HIBCH: variants seen among roughly 807,000 people sequenced by gnomAD.
HIBCH encodes 3-hydroxyisobutyryl-CoA hydrolase.
A neutral mutation model predicts 58.2 loss-of-function variants in HIBCH; 50 were observed. The observed-to-expected ratio is 0.86, with a 90% CI of 0.68 to 1.09. The LOEUF is 1.09. Among genes scored for constraint, HIBCH ranks in the 50% least tolerant of loss-of-function variants. The probability of loss-of-function intolerance (pLI) is 0.00; values close to 1 mark genes in which losing one functional copy is unlikely to be tolerated. For missense variants in HIBCH, 450 were observed against 449.7 expected (o/e 1.00, Z -0.01); for synonymous variants, 151 against 146.9 (o/e 1.03, Z -0.20).
chr2:190,244,244 T>C (rs557972175), intron 11 of HIBCH, among the ~76,000 whole-genome samples: 27 of 152,268 alleles, frequency 1.8e-4, no homozygotes, highest in African/African-American at 6.3e-4. Flanking sequence ...CTTTCCTTTG[T>C]CTAGAAGTCT....
chr2:190,295,288 G>C (rs1336123728), intron 3 of HIBCH, among the ~76,000 whole-genome samples: 1 of 152,152 alleles, frequency 6.6e-6, no homozygotes, highest in Non-Finnish European at 1.5e-5. Context: ...AAATGCTTGG[G>C]ACCAAAAGTG....
chr2:190,200,239 T>A, downstream of HIBCH: 3 of 1,002,156 alleles, frequency 3.0e-6, no homozygotes, highest in Non-Finnish European at 4.6e-6. Context: ...TACAAATAAC[T>A]ATCTGGATTT....
chr2:190,199,556 TA>T (rs1690145307), downstream of HIBCH: 2 of 297,612 alleles, frequency 6.7e-6, no homozygotes, highest in Non-Finnish European at 1.2e-5. Flanking sequence ...CTTTTTCTTC[TA>T]CTGATAAGAT....
intron 9 of HIBCH, among the ~76,000 whole-genome samples, chr2:190,246,910 G>C (rs1242641392): frequency 1.3e-5 from 2 of 152,050 alleles, no homozygotes; most frequent in African/African-American, 4.8e-5. Context: ...GATTGCTTTG[G>C]ATATACTTTT....
intron 6 of HIBCH, among the ~76,000 whole-genome samples, chr2:190,273,473 T>C (rs1227233070): frequency 6.6e-6 from 1 of 152,150 alleles, no homozygotes; most frequent in African/African-American, 2.4e-5. Flanking sequence ...TCTAAAAGAA[T>C]CTCATCTGGG....
rs6712711 is a variant in HIBCH, at chr2:190,197,102, A to C, written c.*18-7105T>G. ...GGGGTCTCTTTTATGAGAGCACTAAAACTCTAATATCATCACCCAAAGGCC... is the reference window on the plus strand; with the variant it reads ...GGGGTCTCTTTTATGAGAGCACTAACACTCTAATATCATCACCCAAAGGCC... On this transcript the variant is annotated intron_variant, in intron 1 of 1. Coordinates refer to the HIBCH transcript ENST00000399855. This position sits in a 1 kb window ranked among gnomAD's most constrained non-coding sequence, Gnocchi z 4.0. 1.3e-5 allele frequency among the ~76,000 whole-genome samples: 2 copies of C among 152,138 alleles called. No individual in the cohort carries two copies. Among genetic ancestry groups the C allele is most frequent in the Non-Finnish European group, 2.9e-5 (2 of 68,040 alleles).
intron 12 of HIBCH, among the ~76,000 whole-genome samples, chr2:190,212,481 A>G (rs1482195011): frequency 6.6e-6 from 1 of 152,222 alleles, no homozygotes; most frequent in Non-Finnish European, 1.5e-5. Context: ...ATTCTATGTG[A>G]TTATTGTCCA....
At chr2:190,302,349 T>C (rs1688284385) in intron 2 of HIBCH, among the ~76,000 whole-genome samples, 2 of 152,216 alleles carry the variant, frequency 1.3e-5, no homozygotes, top group South Asian at 2.1e-4. Flanking sequence ...CTAACATGTA[T>C]GCACATGCAT....
At chr2:190,240,913 A>C (rs1168765646) in intron 11 of HIBCH, among the ~76,000 whole-genome samples, 1 of 152,166 alleles carries the variant, frequency 6.6e-6, no homozygotes, top group Non-Finnish European at 1.5e-5. Flanking sequence ...TTTATTTTAG[A>C]ATAAGTGCTA....
At chr2:190,286,520 A>G (rs72915473) in intron 6 of HIBCH, among the ~76,000 whole-genome samples, 13,128 of 152,156 alleles carry the variant, frequency 0.086, 789 homozygotes, top group Middle Eastern at 0.13. Context: ...TCTCTCCTCC[A>G]CTACCTTTCT....
At chr2:190,245,055 C>A (rs187705610) in intron 10 of HIBCH, 87 bp from the exon 11 acceptor site, 1 of 859,052 alleles carries the variant, frequency 1.2e-6, no homozygotes, top group Admixed American at 1.8e-5. Flanking sequence ...GGCTTTCCCC[C>A]ACCTCTGTTT....
intron 7 of HIBCH, among the ~76,000 whole-genome samples, chr2:190,256,658 G>T (rs1170457311): frequency 6.6e-6 from 1 of 151,752 alleles, no homozygotes; most frequent in African/African-American, 2.4e-5. Context: ...CCATTAAAAG[G>T]GGATTTAAAA....
chr2:190,294,707 T>C, intron 3 of HIBCH, 77 bp from the exon 4 acceptor site: 1 of 861,968 alleles, frequency 1.2e-6, no homozygotes, highest in Non-Finnish European at 2.0e-6. Flanking sequence ...TATGCACATA[T>C]ATTCAATCAT....
intron 4 of HIBCH, among the ~76,000 whole-genome samples, chr2:190,291,478 A>C (rs1687956836): frequency 6.6e-6 from 1 of 152,228 alleles, no homozygotes; most frequent in Admixed American, 6.5e-5. Flanking sequence ...GACTAGGGGA[A>C]GCAGTACCCT....
intron 11 of HIBCH, among the ~76,000 whole-genome samples, chr2:190,221,511 T>A (rs1685718934): frequency 6.6e-6 from 1 of 152,320 alleles, no homozygotes; most frequent in South Asian, 2.1e-4. Context: ...ATTTTACAGA[T>A]GAGGAAACCT....
At chr2:190,277,884 T>C (rs576035377) in intron 6 of HIBCH, among the ~76,000 whole-genome samples, 1 of 152,346 alleles carries the variant, frequency 6.6e-6, no homozygotes, top group Admixed American at 6.5e-5. Context: ...TCTCAACCTC[T>C]TCTGGTTCTG....
chr2:190,251,881 T>A (rs1056413518), intron 8 of HIBCH, among the ~76,000 whole-genome samples: 1 of 152,140 alleles, frequency 6.6e-6, no homozygotes, highest in Admixed American at 6.5e-5. Context: ...AAGGTAGGCA[T>A]GATTTTTTTT....
chr2:190,273,208 C>A (rs1420723347), intron 6 of HIBCH, among the ~76,000 whole-genome samples: 1 of 152,040 alleles, frequency 6.6e-6, no homozygotes, highest in Non-Finnish European at 1.5e-5. Flanking sequence ...GCCTGACCAA[C>A]ATGGTGAAAC....
intron 6 of HIBCH, among the ~76,000 whole-genome samples, chr2:190,278,406 G>A (rs2919677): frequency 0.56 from 84,536 of 151,706 alleles, 24,278 homozygotes; most frequent in South Asian, 0.61. Flanking sequence ...ATTTCGCCAC[G>A]TTGGCCAGGC....
Sources: allele counts gnomAD v4.1 joint callset (sites outside exome capture counted in the v4.1 genomes callset), GRCh38; gene constraint gnomAD v4.1.1; non-coding constraint Gnocchi (gnomAD v3.1); transcripts MANE v1.5; gene names NCBI Gene and HGNC (gene_info 2026-07-23, HGNC 2026-07-21).